Variants in ARHGAP8 observed in about 807,000 individuals in gnomAD.
ARHGAP8 encodes the protein Rho GTPase activating protein 8, also known as rho GTPase-activating protein 8.
ARHGAP8 carries 62 observed loss-of-function variants against 46.1 expected under a neutral mutation model. The observed-to-expected ratio is 1.34, with a 90% confidence interval of 1.10 to 1.66. ARHGAP8 has a LOEUF of 1.66. ARHGAP8 is among the 40% of genes most tolerant of loss of function. The pLI is 0.00. For missense variants in ARHGAP8, 923 were observed against 568.4 expected, an observed-to-expected ratio of 1.62 and a Z score of -6.34; for synonymous variants, 375 against 243.1, an observed-to-expected ratio of 1.54 and a Z score of -5.05.
At chr22:44,759,066 G>A (rs547085866) in intron 1 of ARHGAP8, among the ~76,000 whole-genome samples, 2 of 152,240 alleles carry the variant, frequency 1.3e-5, no homozygotes, top group African/African-American at 4.8e-5. Context: ...CAGAGAAAGA[G>A]GTGAACGAGG....
At chr22:44,755,511 C>T (rs1203386574) in intron 1 of ARHGAP8, among the ~76,000 whole-genome samples, 3 of 152,210 alleles carry the variant, frequency 2.0e-5, no homozygotes, top group Non-Finnish European at 4.4e-5. Context: ...CCCAGGCCTC[C>T]CTGGGGTGCA....
At chr22:44,803,226 A>G (rs1359053994) in intron 3 of ARHGAP8, among the ~76,000 whole-genome samples, 3 of 151,988 alleles carry the variant, frequency 2.0e-5, no homozygotes, top group Admixed American at 2.0e-4. Context: ...TCCCTTGTAC[A>G]CTCCCAGTGC....
chr22:44,785,649 A>T lies in ARHGAP8; in HGVS notation c.-71-808A>T, dbSNP rs559464892. On this transcript the variant is annotated intron_variant, in intron 1 of 11. Transcript: ENST00000356099. Reference sequence around the variant, plus strand: ...TGGGGTGGGGAGGGGATAGTCTTCAACCCCCTACACCTGGGATCCTACATC... The same window carrying T: ...TGGGGTGGGGAGGGGATAGTCTTCATCCCCCTACACCTGGGATCCTACATC... 3.3e-5 allele frequency among the ~76,000 whole-genome samples: 5 copies of T among 152,046 alleles called. No individual in the cohort carries two copies. The South Asian group carries it at 1.0e-3, about 32-fold the overall frequency.
rs145404127 is a variant in ARHGAP8, at chr22:44,799,695, T to G, written c.80-2382T>G. 1.5e-3 allele frequency among the ~76,000 whole-genome samples: 225 copies of G among 152,168 alleles called. 1 individual carries two copies. The highest frequency in any genetic ancestry group is 5.3e-3 in the African/African-American group (220 of 41,542). On this transcript the variant is annotated intron_variant, in intron 2 of 11. Transcript: ENST00000356099. ...TGGCACATGTGCCTCAGGCTGTTCT[T>G]ACCTGTGTCCTTGTGTGTTTAATTG...
intron 7 of ARHGAP8, among the ~76,000 whole-genome samples, chr22:44,827,181 G>A (rs889437916): frequency 6.6e-6 from 1 of 151,904 alleles, no homozygotes; most frequent in African/African-American, 2.4e-5. Context: ...GGAGGGGTGC[G>A]GGGCCAGAAG....
intron 2 of ARHGAP8, among the ~76,000 whole-genome samples, chr22:44,795,098 G>C (rs1238783708): frequency 6.6e-6 from 1 of 151,360 alleles, no homozygotes; most frequent in Admixed American, 6.6e-5. Context: ...TACCAAATTA[G>C]TTGCCCTTCT....
chr22:44,772,920 G>A lies in ARHGAP8; in HGVS notation c.-71-13537G>A, dbSNP rs187658861. ...TGCAGCCCTGACCTCCTGGGTTCAA[G>A]CGGTCCTCCTACTTCAGCCTCCCAA... On this transcript the variant is annotated intron_variant, in intron 1 of 11. Transcript: ENST00000356099. Among the ~76,000 whole-genome samples, 920 of 149,502 alleles carry A rather than the reference G, an allele frequency of 6.2e-3. 11 individuals are homozygous for A. Among genetic ancestry groups the A allele is most frequent in the South Asian group, 0.025 (115 of 4,650 alleles).
intron 2 of ARHGAP8, among the ~76,000 whole-genome samples, chr22:44,792,514 C>T (rs934140940): frequency 6.6e-6 from 1 of 152,150 alleles, no homozygotes; most frequent in South Asian, 2.1e-4. Flanking sequence ...GGACCAGGAA[C>T]CCCCTGCCCT....
At chr22:44,768,410 C>T (rs1474019483) in intron 1 of ARHGAP8, among the ~76,000 whole-genome samples, 5 of 152,084 alleles carry the variant, frequency 3.3e-5, no homozygotes, top group Admixed American at 3.3e-4. Context: ...AGCAATCCTC[C>T]CACCTCAGCC....
intron 1 of ARHGAP8, among the ~76,000 whole-genome samples, chr22:44,765,029 C>T (rs967496234): frequency 6.6e-6 from 1 of 152,186 alleles, no homozygotes; most frequent in East Asian, 1.9e-4. Context: ...AGGCTTTGTC[C>T]TTGTTTGGAT....
At chr22:44,774,096 C>T (rs1926240967) in intron 1 of ARHGAP8, among the ~76,000 whole-genome samples, 1 of 152,144 alleles carries the variant, frequency 6.6e-6, no homozygotes, top group Non-Finnish European at 1.5e-5. Flanking sequence ...CAAAGGCTCT[C>T]CAGGTAGTCT....
intron 5 of ARHGAP8, among the ~76,000 whole-genome samples, chr22:44,819,628 G>A (rs546142516): frequency 3.5e-3 from 527 of 152,212 alleles, no homozygotes; most frequent in Non-Finnish European, 5.1e-3. Flanking sequence ...AGCCAAGATC[G>A]CGCCATTGCA....
intron 7 of ARHGAP8, among the ~76,000 whole-genome samples, chr22:44,833,408 C>A (rs1231920878): frequency 6.6e-6 from 1 of 152,076 alleles, no homozygotes; most frequent in Non-Finnish European, 1.5e-5. Flanking sequence ...AAATGCTTTT[C>A]ATCGCCATTG....
chr22:44,859,772 T>G lies in ARHGAP8; in HGVS notation c.919T>G (p.Leu307Val). 5 of 1,614,082 alleles carry G rather than the reference T, an allele frequency of 3.1e-6. No individual in the cohort carries two copies. The highest frequency in any genetic ancestry group is 4.2e-6 in the Non-Finnish European group (5 of 1,180,028). The change falls in exon 11 of 12, where the codon TTA (leucine) becomes GTA (valine). Residue 307 changes from leucine to valine, a missense_variant. Leu to Val is a conservative substitution (Grantham distance 32, BLOSUM62 1). Transcript: ENST00000356099. ...SLRVTGCRQI[L>V]RSLPEHNYVV... is the part of the protein sequence containing the mutation. The stretch of plus-strand genomic sequence containing the variant: ...GCGTGTCACTGGCTGCCGCCAGATC[T>G]TACGGAGCCTCCCAGAGCACAACTA...
At chr22:44,857,793 C>G (rs5766119) in intron 10 of ARHGAP8, among the ~76,000 whole-genome samples, 7,320 of 151,220 alleles carry the variant, frequency 0.048, 452 homozygotes, top group East Asian at 0.33. Flanking sequence ...CACCTAACCT[C>G]TCAGAGCTCT....
intron 7 of ARHGAP8, among the ~76,000 whole-genome samples, chr22:44,831,311 T>A (rs1930927980): frequency 6.6e-6 from 1 of 152,176 alleles, no homozygotes; most frequent in Non-Finnish European, 1.5e-5. Flanking sequence ...TAGATTTGGG[T>A]CTTTGATACA....
intron 1 of ARHGAP8, among the ~76,000 whole-genome samples, chr22:44,779,702 C>G (rs1012530782): frequency 1.3e-5 from 2 of 151,612 alleles, no homozygotes; most frequent in African/African-American, 4.9e-5. Context: ...GCCGGGATTA[C>G]AGGTGTGAGC....
chr22:44,814,395 G>A (rs79260332), intron 4 of ARHGAP8, among the ~76,000 whole-genome samples: 1,668 of 152,274 alleles, frequency 0.011, 28 homozygotes, highest in African/African-American at 0.038. Flanking sequence ...AGCCACCCCC[G>A]ACCCTGGTGT....
chr22:44,843,825 A>G (rs1046205383), intron 7 of ARHGAP8, among the ~76,000 whole-genome samples: 2 of 50,952 alleles, frequency 3.9e-5, no homozygotes, highest in Non-Finnish European at 7.0e-5. Flanking sequence ...ACCTTGTCTC[A>G]AAAAAAAAAA....
Sources: gnomAD v4.1 joint callset for allele counts (sites outside exome capture counted in the v4.1 genomes callset) on GRCh38, gnomAD v4.1.1 for gene constraint, MANE v1.5 for transcripts, NCBI Gene and HGNC (gene_info 2026-07-23, HGNC 2026-07-21) for gene names.